Variants in MGA observed in about 807,000 individuals in gnomAD.
The protein encoded by MGA is MAX gene-associated protein.
Under a neutral mutation model 261.1 loss-of-function variants are expected in MGA, and 40 were observed. The ratio of observed to expected loss-of-function variants is 0.15; its 90% CI spans 0.12 to 0.20. The LOEUF (loss-of-function observed/expected upper bound fraction) is 0.20. Ranked by LOEUF, MGA falls within the 10% of genes least tolerant of loss-of-function variation. MGA has a pLI of 1.00. For synonymous variants in MGA, 1,302 were observed against 1,290.6 expected (o/e 1.01, Z -0.19); for missense variants, 3,397 against 3,630.5 (o/e 0.94, Z 1.65).
At chr15:41,642,311 G>A (rs1175380718) in intron 1 of MGA, among the ~76,000 whole-genome samples, 2 of 136,068 alleles carry the variant, frequency 1.5e-5, no homozygotes, top group African/African-American at 2.7e-5. Context: ...AATTTGTGGT[G>A]TTTTTTTTTT....
At chr15:41,732,491 G>T (rs574641978) in intron 11 of MGA, among the ~76,000 whole-genome samples, 1 of 152,166 alleles carries the variant, frequency 6.6e-6, no homozygotes, top group African/African-American at 2.4e-5. Flanking sequence ...CACTCAATCT[G>T]TCATTTACTT....
At chr15:41,729,997 A>G (rs1244299643) in intron 11 of MGA, among the ~76,000 whole-genome samples, 3 of 151,920 alleles carry the variant, frequency 2.0e-5, no homozygotes, top group African/African-American at 4.8e-5. Flanking sequence ...GGTACAAGCA[A>G]TTCTCCTGCC....
intron 2 of MGA, among the ~76,000 whole-genome samples, chr15:41,677,816 A>G (rs1219097883): frequency 1.3e-5 from 2 of 152,110 alleles, no homozygotes; most frequent in South Asian, 2.1e-4. Flanking sequence ...AGTTCTTTAT[A>G]TATTTTGGAT....
Position 41,736,614 on chromosome 15 carries a change from G to A in MGA, c.4350G>A (p.Leu1450=). The change falls in exon 13 of 24, where the codon CTG becomes CTA. Residue 1450 remains leucine, a synonymous_variant. Coordinates refer to ENST00000219905, the MANE Select transcript of MGA (RefSeq NM_001164273.2). ...AGAGATTACATGGAGGCAAAGGTCT[G>A]CCTTTTTATGCAGGGCTTTCTCCTG... is the stretch of plus-strand genomic sequence containing the variant. The A allele has an allele frequency of 6.2e-7, 1 of 1,613,986 alleles. No individual in the cohort carries two copies. The highest frequency in any genetic ancestry group is 8.5e-7 in the Non-Finnish European group (1 of 1,179,888).
chr15:41,670,430 G>A (rs757346112), intron 2 of MGA, among the ~76,000 whole-genome samples: 10 of 152,166 alleles, frequency 6.6e-5, no homozygotes, highest in Non-Finnish European at 1.3e-4. Context: ...GATGCCAGGG[G>A]GTAGAGAGAG....
chr15:41,707,689 G>A, intron 5 of MGA, 39 bp from the exon 6 acceptor site: 1 of 1,547,040 alleles, frequency 6.5e-7, no homozygotes, highest in Non-Finnish European at 8.8e-7. Flanking sequence ...TATGATTTCT[G>A]ATTAATCTAT....
intron 3 of MGA, among the ~76,000 whole-genome samples, chr15:41,697,418 CTTTT>C (rs1204938099): frequency 3.0e-5 from 4 of 132,828 alleles, no homozygotes; most frequent in Admixed American, 7.7e-5. Flanking sequence ...TTTTTCTTTT[CTTTT>C]TTTTTTTTTT....
intron 19 of MGA, among the ~76,000 whole-genome samples, chr15:41,758,167 A>C (rs1331634938): frequency 6.6e-6 from 1 of 152,120 alleles, no homozygotes; most frequent in Non-Finnish European, 1.5e-5. Flanking sequence ...GCTTGGGCTC[A>C]TGATTTTAAG....
intron 1 of MGA, among the ~76,000 whole-genome samples, chr15:41,668,042 G>C (rs1375542997): frequency 6.6e-6 from 1 of 151,872 alleles, no homozygotes; most frequent in Non-Finnish European, 1.5e-5. Flanking sequence ...GGCTTTAAAT[G>C]ATCCACTGGC....
chr15:41,643,048 A>C (rs1219433849), intron 1 of MGA, among the ~76,000 whole-genome samples: 4 of 150,680 alleles, frequency 2.7e-5, no homozygotes, highest in Admixed American at 6.6e-5. Flanking sequence ...AATTATAGGC[A>C]TGTGTCACCA....
upstream of MGA, among the ~76,000 whole-genome samples, chr15:41,658,959 A>G (rs1019374631): frequency 2.6e-5 from 4 of 152,122 alleles, no homozygotes; most frequent in African/African-American, 9.7e-5. Context: ...GAAAATGGAA[A>G]ATTTTTATGA....
chr15:41,694,023 A>T (rs527856180), intron 2 of MGA, among the ~76,000 whole-genome samples: 1 of 152,180 alleles, frequency 6.6e-6, no homozygotes, highest in South Asian at 2.1e-4. Flanking sequence ...TCTGGGGGGA[A>T]AAAACTGTTT....
At chr15:41,741,998 CTG>C (rs2062135961) in intron 14 of MGA, among the ~76,000 whole-genome samples, 1 of 151,836 alleles carries the variant, frequency 6.6e-6, no homozygotes, top group Admixed American at 6.6e-5. Context: ...GTGTGAGTCA[CTG>C]TGTCTGGCCT....
intron 10 of MGA, among the ~76,000 whole-genome samples, chr15:41,728,471 A>C (rs1443799797): frequency 6.6e-6 from 1 of 152,216 alleles, no homozygotes; most frequent in Non-Finnish European, 1.5e-5. Flanking sequence ...CTTACCAATA[A>C]CATAAACAGT....
rs767738186 is a variant in MGA, at chr15:41,766,976, C to G, written c.8894C>G (p.Pro2965Arg). 3.1e-6 allele frequency: 5 copies of G among 1,614,018 alleles called. No individual in the cohort carries two copies. The South Asian group carries it at 4.4e-5, about 14-fold the overall frequency. The stretch of plus-strand genomic sequence containing the variant: ...GAGCCCGAAAGTGTGTCCTCACCCC[C>G]CACCCTACACATGAAGACTGGCTTG... Residue 2965 changes from proline (P) to arginine (R), a missense_variant, in exon 24 of 24, where the codon CCC becomes CGC. Transcript: ENST00000219905.
chr15:41,684,533 C>T, intron 2 of MGA: 1 of 359,268 alleles, frequency 2.8e-6, no homozygotes, highest in Non-Finnish European at 5.5e-6. Flanking sequence ...GAAATCCTTT[C>T]TGAGAGTGTT....
chr15:41,684,389 C>T, intron 2 of MGA: 1 of 452,630 alleles, frequency 2.2e-6, no homozygotes, highest in Non-Finnish European at 4.4e-6. Context: ...ATTGATTTTG[C>T]CTAGGTATTC....
rs1424569235 is a variant in MGA, at chr15:41,768,863, A to C, written c.*1583A>C. 7.4e-6 allele frequency: 1 copy of C among 135,784 alleles called. No homozygotes were observed. The highest frequency in any genetic ancestry group is 1.6e-5 in the Non-Finnish European group (1 of 63,352). 8.4% of individuals were successfully genotyped at this position (135,784 alleles called of 1,614,324 possible). On this transcript the variant is annotated 3_prime_UTR_variant, in exon 24 of 24. Transcript: ENST00000219905. ...GGTTCCCTTTCTGTTAACTCTGGTAATCAACAGATTGAAAACGGTGGAAGA... is the reference window on the plus strand; with the variant it reads ...GGTTCCCTTTCTGTTAACTCTGGTACTCAACAGATTGAAAACGGTGGAAGA...
intron 5 of MGA, among the ~76,000 whole-genome samples, chr15:41,702,440 C>T (rs1464606137): frequency 2.6e-5 from 4 of 151,968 alleles, no homozygotes; most frequent in Non-Finnish European, 5.9e-5. Context: ...GAAAGTATTC[C>T]AGGTTCATCT....
Sources: allele counts gnomAD v4.1 joint callset (sites outside exome capture counted in the v4.1 genomes callset), GRCh38; gene constraint gnomAD v4.1.1; transcripts MANE v1.5; gene names NCBI Gene and HGNC (gene_info 2026-07-23, HGNC 2026-07-21).